The following TENT4B variants were observed in gnomAD, a reference collection of about 807,000 sequenced individuals.
TENT4B encodes the protein terminal nucleotidyltransferase 4B.
In TENT4B, 10 loss-of-function variants were observed where a neutral mutation model predicts 75.0. That is an observed-to-expected ratio of 0.13 (90% CI 0.08 to 0.23). TENT4B has a LOEUF of 0.23. Ranked by LOEUF, TENT4B falls within the 10% of genes least tolerant of loss-of-function variation. The pLI, the probability that TENT4B is intolerant of heterozygous loss-of-function variation, is 1.00. For synonymous variants in TENT4B, 350 were observed against 357.7 expected (o/e 0.98, Z 0.24); for missense variants, 579 against 893.8 (o/e 0.65, Z 4.49).
At chr16:50,195,651 G>A (rs1298483267) in intron 1 of TENT4B, among the ~76,000 whole-genome samples, 1 of 152,192 alleles carries the variant, frequency 6.6e-6, no homozygotes, top group African/African-American at 2.4e-5. Context: ...GTTTTAGCAT[G>A]TAAAGAGGAA....
intron 1 of TENT4B, among the ~76,000 whole-genome samples, chr16:50,161,016 A>G (rs959642213): frequency 1.3e-5 from 2 of 152,308 alleles, no homozygotes; most frequent in East Asian, 1.9e-4. Flanking sequence ...GCTGTTTCCT[A>G]CAGAGCTGAC....
Position 50,234,319 on chromosome 16 carries a change from G to C in TENT4B, c.*4991G>C, listed in dbSNP as rs1368210199. On this transcript the variant is annotated 3_prime_UTR_variant, in exon 12 of 12. Transcript: ENST00000561678. ...TGAGGTGTGGTGGAATTGGGTAGGG[G>C]AGGGAAAGGAGGACTTGGAAAAGCA... The C allele has an allele frequency of 9.1e-6, 9 of 983,830 alleles. No homozygotes were observed. The African/African-American group carries it at 1.4e-4, about 15-fold the overall frequency. 60.9% of individuals were successfully genotyped at this position (983,830 alleles called of 1,614,324 possible). A position where few individuals can be genotyped will look rare whatever the true frequency, so the allele number is the denominator to read the frequency against.
At chr16:50,208,882 G>A (rs1052020629) in intron 1 of TENT4B, among the ~76,000 whole-genome samples, 27 of 152,098 alleles carry the variant, frequency 1.8e-4, no homozygotes, top group Admixed American at 4.6e-4. Flanking sequence ...ACAGGCATGC[G>A]CCACCACACC....
At position 50,234,799 on chromosome 16, in the gene TENT4B, A is replaced by G; in HGVS notation, c.*5471A>G. On this transcript the variant is annotated 3_prime_UTR_variant, in exon 12 of 12. Coordinates refer to ENST00000561678, the MANE Select transcript of TENT4B (RefSeq NM_001365324.3). ...GACGACCAGTGTAGTTTCTGGATAT[A>G]AAGTGTGAAGGACTGTTGAGTTAAA... The G allele has an allele frequency of 1.0e-6, 1 of 985,554 alleles. No homozygotes were observed. Among genetic ancestry groups the G allele is most frequent in the African/African-American group, 1.7e-5 (1 of 57,378 alleles). 61.1% of individuals were successfully genotyped at this position (985,554 alleles called of 1,614,324 possible).
chr16:50,199,645 T>G (rs1049457804), intron 1 of TENT4B, among the ~76,000 whole-genome samples: 13 of 152,238 alleles, frequency 8.5e-5, no homozygotes, highest in African/African-American at 3.1e-4. Flanking sequence ...CAGATTGGCT[T>G]CTTTTACGTA....
In TENT4B at chr16:50,227,405, C is replaced by T. The variant is rs548328030; in HGVS notation, c.1801-434C>T. ...AGCCCACTGTCGCGGGAAGTCCACC[C>T]CCACCCACACCAGTATGTTTGGTTA... On this transcript the variant is annotated intron_variant, in intron 10 of 11. Transcript: ENST00000561678. Among the ~76,000 whole-genome samples, 11 of 152,306 alleles carry T rather than the reference C, an allele frequency of 7.2e-5. No homozygotes were observed. The East Asian group carries it at 1.2e-3, about 16-fold the overall frequency.
At chr16:50,228,672 A>T (rs2032163442) in intron 11 of TENT4B, among the ~76,000 whole-genome samples, 1 of 152,210 alleles carries the variant, frequency 6.6e-6, no homozygotes, top group East Asian at 1.9e-4. Context: ...GGCCTTAGCC[A>T]TGTATGCCAG....
In TENT4B at chr16:50,234,267, TAA is replaced by T. The variant is rs1253741853; in HGVS notation, c.*4945_*4946del. 1.0e-6 allele frequency: 1 copy of T among 985,276 alleles called. No individual in the cohort carries two copies. Among genetic ancestry groups the T allele is most frequent in the Non-Finnish European group, 1.2e-6 (1 of 829,968 alleles). The allele number at this position is 985,276 out of a possible 1,614,324, so 61.0% of individuals were successfully genotyped here. On this transcript the variant is annotated 3_prime_UTR_variant, in exon 12 of 12. Coordinates refer to ENST00000561678, the MANE Select transcript of TENT4B (RefSeq NM_001365324.3). The stretch of plus-strand genomic sequence containing the variant: ...CTGGGAGTTTGAGACCTTCATCTCT[TAA>T]AAAAACAAACAAAAACCTGAATGGT...
intron 1 of TENT4B, among the ~76,000 whole-genome samples, chr16:50,195,287 C>G (rs2030154859): frequency 6.6e-6 from 1 of 152,178 alleles, no homozygotes; most frequent in Admixed American, 6.5e-5. Flanking sequence ...ATACCCCCTC[C>G]AAAGCACAGC....
In TENT4B at chr16:50,229,291, A is replaced by G; in HGVS notation, c.2105A>G (p.His702Arg). The G allele has an allele frequency of 6.2e-7, 1 of 1,613,976 alleles. No individual in the cohort carries two copies. The highest frequency in any genetic ancestry group is 8.5e-7 in the Non-Finnish European group (1 of 1,179,858). Reference sequence around the variant, plus strand: ...TATTACCATGGCAAAAAGAGGAAACACAAGAGGGACGCGCCCCTCTCAGAC... The same window carrying G: ...TATTACCATGGCAAAAAGAGGAAACGCAAGAGGGACGCGCCCCTCTCAGAC... ...NQYYHGKKRK[H>R]KRDAPLSDLC... is the part of the protein sequence containing the mutation. Residue 702 changes from histidine (H) to arginine (R), a missense_variant, in exon 12 of 12, where the codon CAC becomes CGC. Transcript: ENST00000561678.
At chr16:50,184,326 C>G (rs1567489927) in intron 1 of TENT4B, among the ~76,000 whole-genome samples, 1 of 152,102 alleles carries the variant, frequency 6.6e-6, no homozygotes, top group Non-Finnish European at 1.5e-5. Context: ...TTTTGTTTAT[C>G]TATTCATCAG....
chr16:50,207,088 C>CT (rs775317986), intron 1 of TENT4B, among the ~76,000 whole-genome samples: 19 of 150,206 alleles, frequency 1.3e-4, no homozygotes, highest in Non-Finnish European at 2.7e-4. Flanking sequence ...TTTTGGCATC[C>CT]TTTCCCGTTG....
intron 1 of TENT4B, among the ~76,000 whole-genome samples, chr16:50,198,417 TAAA>T (rs72219443): frequency 1.3e-3 from 177 of 133,934 alleles, no homozygotes; most frequent in Middle Eastern, 7.2e-3. Context: ...AGACTCTGTC[TAAA>T]AAAAAAAAAA....
chr16:50,181,953 G>A (rs973289208), intron 1 of TENT4B, among the ~76,000 whole-genome samples: 14 of 152,116 alleles, frequency 9.2e-5, no homozygotes, highest in African/African-American at 2.4e-5. Context: ...CAGAATAATT[G>A]TGTCAAAACA....
rs771830265 is a variant in TENT4B at position 50,231,827 on chromosome 16, T to G, written c.*2499T>G. On this transcript the variant is annotated 3_prime_UTR_variant, in exon 12 of 12. Coordinates refer to ENST00000561678, the MANE Select transcript of TENT4B (RefSeq NM_001365324.3). Reference sequence around the variant, plus strand: ...TCTGAAGTAAAATACTTTCAAGAACTTTTAGTTTGCCTGCTCATTTGTTTT... The same window carrying G: ...TCTGAAGTAAAATACTTTCAAGAACGTTTAGTTTGCCTGCTCATTTGTTTT... 1.0e-6 allele frequency: 1 copy of G among 985,080 alleles called. No homozygotes were observed. Among genetic ancestry groups the G allele is most frequent in the Admixed American group, 6.1e-5 (1 of 16,270 alleles). The allele number at this position is 985,080 out of a possible 1,614,324, so 61.0% of individuals were successfully genotyped here. A position where few individuals can be genotyped will look rare whatever the true frequency, so the allele number is the denominator to read the frequency against.
At chr16:50,194,169 A>G (rs1328531631) in intron 1 of TENT4B, among the ~76,000 whole-genome samples, 1 of 148,630 alleles carries the variant, frequency 6.7e-6, no homozygotes, top group Admixed American at 6.7e-5. Context: ...TTGAGATAGT[A>G]TCTTCTCTCT....
rs1040122301 is a variant in TENT4B at position 50,153,766 on chromosome 16, G to C, written c.145G>C (p.Gly49Arg). The part of the protein sequence containing the change: ...CHSSGGASGG[G>R]GSSSSSSTAT... ...CAGCAGCGGCGGCGCGAGCGGCGGC[G>C]GCGGCAGCAGCAGCAGCAGCAGCAC... The change falls in exon 1 of 12, where the codon GGC (glycine) becomes CGC (arginine). Residue 49 changes from glycine (G) to arginine (R), a missense_variant. This residue lies in a region of TENT4B where 253 missense variants were observed against 270.1 expected (regional missense o/e 0.94). Transcript: ENST00000561678. 3.7e-5 allele frequency: 41 copies of C among 1,109,302 alleles called. No homozygotes were observed. The Middle Eastern group carries it at 7.5e-4, about 20-fold the overall frequency. 68.7% of individuals were successfully genotyped at this position (1,109,302 alleles called of 1,614,324 possible).
intron 1 of TENT4B, among the ~76,000 whole-genome samples, chr16:50,194,803 C>T (rs1036404924): frequency 4.3e-5 from 6 of 139,038 alleles, no homozygotes; most frequent in Non-Finnish European, 6.0e-5. Context: ...GGCTGGAGTG[C>T]AGTGGCGCGA....
At chr16:50,193,635 G>A (rs1484594449) in intron 1 of TENT4B, among the ~76,000 whole-genome samples, 1 of 152,124 alleles carries the variant, frequency 6.6e-6, no homozygotes, top group Non-Finnish European at 1.5e-5. Flanking sequence ...ACCGCGCCTG[G>A]CCAGGTCCTG....
Sources: gnomAD v4.1 joint callset for allele counts (sites outside exome capture counted in the v4.1 genomes callset) on GRCh38, gnomAD v4.1.1 for gene constraint, gnomAD v4.1.1 regional missense constraint, MANE v1.5 for transcripts, NCBI Gene and HGNC (gene_info 2026-07-23, HGNC 2026-07-21) for gene names.